The following HDGF variants were observed in gnomAD, a reference collection of about 807,000 sequenced individuals.
The protein encoded by HDGF is heparin binding growth factor.
A neutral mutation model predicts 30.0 loss-of-function variants in HDGF; 5 were observed. The observed-to-expected ratio is 0.17, with a 90% CI of 0.09 to 0.35. HDGF has a LOEUF of 0.35. Among genes scored for constraint, HDGF ranks in the 10% least tolerant of loss-of-function variants. The pLI, the probability that HDGF is intolerant of heterozygous loss-of-function variation, is 1.00. For missense variants in HDGF, 214 were observed against 302.8 expected (o/e 0.71, Z 2.18); for synonymous variants, 133 against 112.7 (o/e 1.18, Z -1.14).
At chr1:156,763,005 T>C (rs569418298) in intron 1 of HDGF, among the ~76,000 whole-genome samples, 2 of 152,318 alleles carry the variant, frequency 1.3e-5, no homozygotes, top group East Asian at 3.9e-4. Flanking sequence ...TCAGCTCTCT[T>C]AGATGTGCCC....
chr1:156,754,912 C>T (rs1188268879), upstream of HDGF, among the ~76,000 whole-genome samples: 2 of 152,236 alleles, frequency 1.3e-5, no homozygotes, highest in East Asian at 1.9e-4. Context: ...CGCACCATTG[C>T]ACTCCAGCCT....
chr1:156,766,720 G>C (rs1474127024), intron 1 of HDGF: 1 of 152,296 alleles, frequency 6.6e-6, no homozygotes, highest in Non-Finnish European at 1.5e-5. Context: ...CAGGTAGGAC[G>C]GACTCAAGTG....
At chr1:156,752,271 A>G, upstream of HDGF, 3 of 1,551,734 alleles carry the variant, frequency 1.9e-6, no homozygotes, top group South Asian at 3.6e-5. Context: ...TTTGAGCCCT[A>G]CGTCCGCCTT....
chr1:156,758,608 T>TAAATTAAAAA lies in HDGF; in HGVS notation n.373+374_373+375insTTTTTAATTT, dbSNP rs1651193595. On this transcript the variant is annotated intron_variant and non_coding_transcript_variant, in intron 2 of 7. Coordinates refer to the HDGF transcript ENST00000465180. ...ACTCCGTCTCAAAAAAAAAAATAAA[T>TAAATTAAAAA]AAATAAATAAATAAAAAAAATTAGC... 5.4e-5 allele frequency among the ~76,000 whole-genome samples: 5 copies of TAAATTAAAAA among 92,016 alleles called. 1 individual carries two copies. Among genetic ancestry groups the TAAATTAAAAA allele is most frequent in the Admixed American group, 1.3e-4 (1 of 7,936 alleles). The allele number at this position is 92,016 out of a possible 152,430, so 60.4% of individuals were successfully genotyped here. A position where few individuals can be genotyped will look rare whatever the true frequency, so the allele number is the denominator to read the frequency against.
At position 156,758,604 on chromosome 1, in the gene HDGF, T is replaced by TAAAAATAA. The variant is rs369799205; in HGVS notation, n.373+378_373+379insTTATTTTT. ...CGAGACTCCGTCTCAAAAAAAAAAA[T>TAAAAATAA]AAATAAATAAATAAATAAAAAAAAT... On this transcript the variant is annotated intron_variant and non_coding_transcript_variant, in intron 2 of 7. Coordinates refer to the HDGF transcript ENST00000465180. Among the ~76,000 whole-genome samples the TAAAAATAA allele has an allele frequency of 2.1e-5, 2 of 96,450 alleles. 1 individual carries two copies. Among genetic ancestry groups the TAAAAATAA allele is most frequent in the East Asian group, 5.1e-4 (2 of 3,912 alleles). The allele number at this position is 96,450 out of a possible 152,430, so 63.3% of individuals were successfully genotyped here.
chr1:156,746,523 G>T (rs1432464067), intron 1 of HDGF, among the ~76,000 whole-genome samples: 2 of 152,256 alleles, frequency 1.3e-5, no homozygotes, highest in Non-Finnish European at 2.9e-5. Flanking sequence ...ATAGCAAGTT[G>T]TTGAGGGCCA....
intron 1 of HDGF, among the ~76,000 whole-genome samples, chr1:156,759,895 G>A (rs904894670): frequency 1.6e-4 from 24 of 152,268 alleles, no homozygotes; most frequent in African/African-American, 5.8e-4. Context: ...CCTGTTGATG[G>A]GCATTTAGGT....
intron 1 of HDGF, chr1:156,747,476 T>G (rs999248687): frequency 2.0e-5 from 3 of 151,622 alleles, no homozygotes; most frequent in African/African-American, 7.3e-5. Context: ...CCAGGACGCC[T>G]GGGTCCTGTT....
intron 1 of HDGF, among the ~76,000 whole-genome samples, chr1:156,746,218 T>C (rs1396653345): frequency 6.6e-6 from 1 of 152,230 alleles, no homozygotes; most frequent in Non-Finnish European, 1.5e-5. Context: ...CACATTATTA[T>C]TTAACATCTA....
At chr1:156,758,137 A>C (rs558291723) in intron 2 of HDGF, among the ~76,000 whole-genome samples, 1 of 152,102 alleles carries the variant, frequency 6.6e-6, no homozygotes, top group African/African-American at 2.4e-5. Context: ...ATCTCTACTA[A>C]AAATTCAAAA....
upstream of HDGF, chr1:156,755,634 C>T (rs1463105713): frequency 1.3e-5 from 2 of 152,256 alleles, no homozygotes; most frequent in Non-Finnish European, 2.9e-5. Context: ...GACCTACTCA[C>T]ATCACGATTT....
At chr1:156,759,368 C>T (rs1651205077) in intron 1 of HDGF, 1 of 152,040 alleles carries the variant, frequency 6.6e-6, no homozygotes, top group South Asian at 2.1e-4. Flanking sequence ...GCAGAGATAA[C>T]TATTTCCTTT....
chr1:156,752,945 GC>G (rs1439585733), upstream of HDGF, among the ~76,000 whole-genome samples: 2 of 152,150 alleles, frequency 1.3e-5, no homozygotes, highest in Non-Finnish European at 2.9e-5. Context: ...CCAGGATGTA[GC>G]CAAAAGTTCC....
rs1650327855 is a variant in HDGF at position 156,744,020 on chromosome 1, C to G, written c.490-142G>C. 12 of 1,070,702 alleles carry G rather than the reference C, an allele frequency of 1.1e-5. No homozygotes were observed. In the Admixed American group the frequency reaches 2.1e-4, roughly 18 times the overall value. The allele number at this position is 1,070,702 out of a possible 1,614,324, so 66.3% of individuals were successfully genotyped here. On this transcript the variant is annotated intron_variant, in intron 4 of 5. Coordinates refer to ENST00000357325, the MANE Select transcript of HDGF (RefSeq NM_004494.3). Reference sequence around the variant, plus strand: ...ACTAGCTGAAATGCCTTCTGTGTCCCATCTGGTCAGCTGGGGACTCCCCAA... The same window carrying G: ...ACTAGCTGAAATGCCTTCTGTGTCCGATCTGGTCAGCTGGGGACTCCCCAA...
chr1:156,750,245 A>C (rs534425531), intron 1 of HDGF, among the ~76,000 whole-genome samples: 1 of 152,260 alleles, frequency 6.6e-6, no homozygotes, highest in Non-Finnish European at 1.5e-5. Flanking sequence ...ACTCTACAGG[A>C]GTCCTACACT....
chr1:156,744,419 C>A (rs748704178), intron 3 of HDGF, 71 bp from the exon 4 acceptor site: 1 of 1,593,428 alleles, frequency 6.3e-7, no homozygotes, highest in South Asian at 1.1e-5. Flanking sequence ...CAGACCCTCC[C>A]TCAGCCACTC....
intron 1 of HDGF, among the ~76,000 whole-genome samples, chr1:156,749,764 G>T (rs762174399): frequency 1.3e-4 from 19 of 148,762 alleles, no homozygotes; most frequent in Non-Finnish European, 2.7e-4. Flanking sequence ...ATGCAGAAGG[G>T]GTTCCCTGCA....
intron 4 of HDGF, 63 bp downstream of exon 4, chr1:156,744,100 T>A: frequency 6.5e-7 from 1 of 1,546,330 alleles, no homozygotes; most frequent in Non-Finnish European, 8.9e-7. Flanking sequence ...AAAGCCCTGC[T>A]CCTGTGGGAT....
At chr1:156,765,439 C>G (rs1314376124) in intron 1 of HDGF, among the ~76,000 whole-genome samples, 1 of 96,722 alleles carries the variant, frequency 1.0e-5, no homozygotes, top group Non-Finnish European at 2.3e-5. Context: ...TTCTTTCTTT[C>G]CTTTCTTTCC....
Sources: gnomAD v4.1 joint callset for allele counts (sites outside exome capture counted in the v4.1 genomes callset) on GRCh38, gnomAD v4.1.1 for gene constraint, MANE v1.5 for transcripts, NCBI Gene and HGNC (gene_info 2026-07-23, HGNC 2026-07-21) for gene names.